Variants in CLVS1 observed in about 807,000 individuals in gnomAD.
CLVS1 encodes clavesin 1.
Under a neutral mutation model 33.1 loss-of-function variants are expected in CLVS1, and 10 were observed. That is an observed-to-expected ratio of 0.30 (90% confidence interval 0.19 to 0.51). The LOEUF is 0.51. Ranked by LOEUF, CLVS1 falls within the 20% of genes least tolerant of loss-of-function variation. The probability of loss-of-function intolerance (pLI) is 0.97; values close to 1 mark genes in which losing one functional copy is unlikely to be tolerated. For synonymous variants in CLVS1, 163 were observed against 166.1 expected (o/e 0.98, Z 0.14); for missense variants, 343 against 433.4 (o/e 0.79, Z 1.85).
At chr8:61,064,265 TA>T (rs968583015) in intron 1 of CLVS1, among the ~76,000 whole-genome samples, 1 of 152,236 alleles carries the variant, frequency 6.6e-6, no homozygotes, top group Non-Finnish European at 1.5e-5. Flanking sequence ...CTGGATCATA[TA>T]GTAATTCTAC....
intron 2 of CLVS1, among the ~76,000 whole-genome samples, chr8:61,232,678 T>A (rs902013849): frequency 6.6e-6 from 1 of 152,206 alleles, no homozygotes; most frequent in Non-Finnish European, 1.5e-5. Context: ...AGAAACTTAC[T>A]GAACAACTCC....
At chr8:61,254,593 G>T (rs1203353174) in intron 2 of CLVS1, among the ~76,000 whole-genome samples, 1 of 152,118 alleles carries the variant, frequency 6.6e-6, no homozygotes, top group Non-Finnish European at 1.5e-5. Context: ...CAGCCACTTT[G>T]TTTACCTACT....
At chr8:61,007,261 T>C in the CLVS1 span, among the ~76,000 whole-genome samples, 1 of 152,244 alleles carries the variant, frequency 6.6e-6, no homozygotes, top group East Asian at 1.9e-4. Flanking sequence ...AAACTTTTCA[T>C]CTATTTTAGC....
At chr8:61,396,456 GTATTTT>G in intron 3 of CLVS1, among the ~76,000 whole-genome samples, 1 of 79,406 alleles carries the variant, frequency 1.3e-5, no homozygotes, top group Non-Finnish European at 3.4e-5. Context: ...ATCTTTTGGT[GTATTTT>G]TCCTTTTATC....
chr8:61,186,821 T>C (rs1807352819), intron 2 of CLVS1, among the ~76,000 whole-genome samples: 1 of 152,212 alleles, frequency 6.6e-6, no homozygotes, highest in South Asian at 2.1e-4. Flanking sequence ...CTCTGTAGTT[T>C]CAGAAAGGAG....
intron 1 of CLVS1, among the ~76,000 whole-genome samples, chr8:61,289,828 G>A (rs532852269): frequency 6.2e-4 from 94 of 152,262 alleles, no homozygotes; most frequent in African/African-American, 2.1e-3. Context: ...AGAAATAGTC[G>A]CATTGTGTCA....
intron 2 of CLVS1, among the ~76,000 whole-genome samples, chr8:61,219,549 T>A (rs182790088): frequency 2.0e-5 from 3 of 152,366 alleles, no homozygotes; most frequent in Non-Finnish European, 4.4e-5. Flanking sequence ...AGTCTATCAT[T>A]GATGGGCATT....
intron 2 of CLVS1, among the ~76,000 whole-genome samples, chr8:61,338,816 G>C (rs559946040): frequency 1.3e-5 from 2 of 152,070 alleles, no homozygotes; most frequent in East Asian, 3.9e-4. Context: ...CCTCTGCCCC[G>C]GGGAGGCTCT....
chr8:61,027,657 G>A, the CLVS1 span, among the ~76,000 whole-genome samples: 1 of 152,186 alleles, frequency 6.6e-6, no homozygotes, highest in South Asian at 2.1e-4. Context: ...CTTACTGAGT[G>A]TTATTCTCTA....
At chr8:61,232,751 A>G (rs1000559760) in intron 2 of CLVS1, among the ~76,000 whole-genome samples, 14 of 152,194 alleles carry the variant, frequency 9.2e-5, no homozygotes, top group Admixed American at 1.3e-4. Context: ...AGCATCATGC[A>G]GTTACCTTGG....
At chr8:61,260,884 A>T (rs1473576040) in intron 2 of CLVS1, among the ~76,000 whole-genome samples, 1 of 152,216 alleles carries the variant, frequency 6.6e-6, no homozygotes, top group African/African-American at 2.4e-5. Context: ...CAGAATGCAG[A>T]CACAGAAACA....
chr8:61,139,169 G>T (rs1266179735), intron 2 of CLVS1, among the ~76,000 whole-genome samples: 1 of 152,170 alleles, frequency 6.6e-6, no homozygotes, highest in Non-Finnish European at 1.5e-5. Flanking sequence ...GCAGTGAGGG[G>T]CTCATCGCCT....
the CLVS1 span, among the ~76,000 whole-genome samples, chr8:60,967,412 G>T: frequency 1.3e-5 from 2 of 152,332 alleles, no homozygotes; most frequent in Admixed American, 1.3e-4. Context: ...GCACTGGGCG[G>T]TGAAGGATGG....
chr8:61,121,777 T>C (rs1017300716), intron 1 of CLVS1, among the ~76,000 whole-genome samples: 1 of 151,978 alleles, frequency 6.6e-6, no homozygotes, highest in Non-Finnish European at 1.5e-5. Flanking sequence ...CACACAGACA[T>C]TAATGCAGTT....
chr8:61,389,244 T>C (rs1195611275), intron 3 of CLVS1, among the ~76,000 whole-genome samples: 1 of 152,026 alleles, frequency 6.6e-6, no homozygotes. Flanking sequence ...ATAGACAATA[T>C]CAAGAAATAA....
intron 5 of CLVS1, among the ~76,000 whole-genome samples, chr8:61,475,508 T>A (rs1817890150): frequency 6.6e-6 from 1 of 152,254 alleles, no homozygotes; most frequent in African/African-American, 2.4e-5. Flanking sequence ...TGAGATGGTA[T>A]CTCATTGTGG....
chr8:61,119,240 T>C (rs1380710058), intron 1 of CLVS1, among the ~76,000 whole-genome samples: 1 of 152,088 alleles, frequency 6.6e-6, no homozygotes, highest in Non-Finnish European at 1.5e-5. Flanking sequence ...TCTTCCTCCA[T>C]CCTTTTATTT....
At chr8:61,118,098 T>A (rs1218584160) in intron 1 of CLVS1, among the ~76,000 whole-genome samples, 2 of 152,028 alleles carry the variant, frequency 1.3e-5, no homozygotes, top group Non-Finnish European at 2.9e-5. Context: ...GGTTTAGTCT[T>A]GGGAGAGTGT....
intron 1 of CLVS1, among the ~76,000 whole-genome samples, chr8:61,129,743 T>C (rs914002472): frequency 3.3e-5 from 5 of 152,212 alleles, no homozygotes; most frequent in Non-Finnish European, 4.4e-5. Context: ...GGCTTTGCCC[T>C]GTGATCTGGC....
Sources: gnomAD v4.1 joint callset for allele counts (sites outside exome capture counted in the v4.1 genomes callset) on GRCh38, gnomAD v4.1.1 for gene constraint, MANE v1.5 for transcripts, NCBI Gene and HGNC (gene_info 2026-07-23, HGNC 2026-07-21) for gene names.